Variants in DOCK8 observed in about 807,000 individuals in gnomAD.
The protein encoded by DOCK8 is dedicator of cytokinesis protein 8.
DOCK8 carries 141 observed loss-of-function variants against 245.6 expected under a neutral mutation model. The observed-to-expected ratio is 0.57, with a 90% CI of 0.50 to 0.66. The LOEUF is 0.66. Ranked by LOEUF, DOCK8 falls within the 30% of genes least tolerant of loss-of-function variation. The probability of loss-of-function intolerance (pLI) is 0.00; values close to 1 mark genes in which losing one functional copy is unlikely to be tolerated. For synonymous variants in DOCK8, 1,168 were observed against 970.2 expected, an observed-to-expected ratio of 1.20 and a Z score of -3.79; for missense variants, 2,965 against 2,603.4, an observed-to-expected ratio of 1.14 and a Z score of -3.02.
chr9:317,665 G>C (rs1396122666), intron 7 of DOCK8, among the ~76,000 whole-genome samples: 1 of 152,202 alleles, frequency 6.6e-6, no homozygotes, highest in East Asian at 1.9e-4. Context: ...CTCAGTGCCA[G>C]GGGACAATAG....
chr9:246,911 T>G (rs1482299707), intron 1 of DOCK8, among the ~76,000 whole-genome samples: 1 of 152,126 alleles, frequency 6.6e-6, no homozygotes, highest in African/African-American at 2.4e-5. Context: ...CCACTGTGCC[T>G]GTCTAATTTG....
chr9:376,741 G>C (rs560214538), intron 19 of DOCK8, among the ~76,000 whole-genome samples: 35 of 152,304 alleles, frequency 2.3e-4, no homozygotes, highest in Non-Finnish European at 4.7e-4. Flanking sequence ...TACAGAACAT[G>C]TCAGAGCCAA....
intron 26 of DOCK8, among the ~76,000 whole-genome samples, chr9:399,730 A>G (rs2054652979): frequency 6.6e-6 from 1 of 152,060 alleles, no homozygotes; most frequent in Non-Finnish European, 1.5e-5. Flanking sequence ...TTCACTGAGC[A>G]CATAGCAAAT....
At chr9:215,574 C>A in intron 1 of DOCK8, 1 of 868,008 alleles carries the variant, frequency 1.2e-6, no homozygotes, top group African/African-American at 1.8e-5. Flanking sequence ...TATTTTTATA[C>A]CCTGGTCCAA....
chr9:379,285 G>T (rs2131279183), intron 20 of DOCK8, among the ~76,000 whole-genome samples: 1 of 152,252 alleles, frequency 6.6e-6, no homozygotes, highest in South Asian at 2.1e-4. Context: ...GACATTTTTA[G>T]GTTAATCTGT....
chr9:277,235 A>G (rs2048381491), intron 2 of DOCK8: 1 of 153,660 alleles, frequency 6.5e-6, no homozygotes, highest in Non-Finnish European at 1.5e-5. Context: ...CCTAGGCAAC[A>G]TAGTGAGAAC....
chr9:444,064 G>A (rs1406395759), intron 43 of DOCK8, among the ~76,000 whole-genome samples: 1 of 152,136 alleles, frequency 6.6e-6, no homozygotes, highest in African/African-American at 2.4e-5. Context: ...GTGCTGTTGG[G>A]GGAATGGTAA....
At chr9:407,149 A>C in intron 28 of DOCK8, 80 bp downstream of exon 28, 5 of 1,585,462 alleles carry the variant, frequency 3.2e-6, no homozygotes, top group African/African-American at 1.4e-5. Flanking sequence ...CTAGCTTCTC[A>C]CACTTGGTAA....
intron 34 of DOCK8, among the ~76,000 whole-genome samples, chr9:428,148 T>G (rs932676297): frequency 1.3e-5 from 2 of 152,208 alleles, no homozygotes; most frequent in African/African-American, 4.8e-5. Flanking sequence ...GAATTAGGTA[T>G]AAATCCCAAA....
In DOCK8 at chr9:311,189, G is replaced by A. The variant is rs549955205; in HGVS notation, c.529-765G>A. Among the ~76,000 whole-genome samples the A allele has an allele frequency of 4.9e-4, 74 of 151,938 alleles. 2 individuals carry two copies. In the South Asian group the frequency reaches 8.9e-3, roughly 18 times the overall value. On this transcript the variant is annotated intron_variant, in intron 5 of 47. Coordinates refer to ENST00000432829, the MANE Select transcript of DOCK8 (RefSeq NM_203447.4). ...AGTCCCATCTGCTAGGGAGGCCGAC[G>A]CAGGAGAATTGCTTGAACCTGGGAG...
chr9:334,057 A>G (rs913223547), intron 10 of DOCK8, among the ~76,000 whole-genome samples, 168 bp from the exon 11 acceptor site: 6 of 143,822 alleles, frequency 4.2e-5, no homozygotes, highest in Admixed American at 2.8e-4. Flanking sequence ...ACCCAAGTGC[A>G]TCATTTTTCT....
intron 2 of DOCK8, chr9:273,105 GT>G: frequency 1.0e-6 from 1 of 985,380 alleles, no homozygotes; most frequent in Non-Finnish European, 1.2e-6. Context: ...TCAAAGGTAT[GT>G]TTTACTGGAG....
intron 24 of DOCK8, among the ~76,000 whole-genome samples, chr9:393,831 G>C (rs1325438619): frequency 1.3e-5 from 2 of 152,146 alleles, no homozygotes; most frequent in Admixed American, 1.3e-4. Flanking sequence ...TGCCCAAAAG[G>C]GTTAACTGAA....
rs533915927 is a variant in DOCK8 at position 255,926 on chromosome 9, G to A, written c.54-15701G>A. Reference sequence around the variant, plus strand: ...TTGATTTAAAATACCTGCTTGATCCGTAATTCAGGCCATACGATTTCACCA... The same window carrying A: ...TTGATTTAAAATACCTGCTTGATCCATAATTCAGGCCATACGATTTCACCA... On this transcript the variant is annotated intron_variant, in intron 1 of 47. Coordinates refer to ENST00000432829, the MANE Select transcript of DOCK8 (RefSeq NM_203447.4). 1.6e-4 allele frequency among the ~76,000 whole-genome samples: 25 copies of A among 152,130 alleles called. No individual in the cohort carries two copies. In the South Asian group the frequency reaches 2.1e-3, roughly 13 times the overall value.
At chr9:345,899 C>T (rs919529518) in intron 14 of DOCK8, among the ~76,000 whole-genome samples, 1 of 151,946 alleles carries the variant, frequency 6.6e-6, no homozygotes, top group African/African-American at 2.4e-5. Context: ...AGAAGTATCC[C>T]CGTGGGTCCG....
rs535994036 is a variant in DOCK8 at position 328,087 on chromosome 9, G to A, written c.960G>A (p.Thr320=). ...TCAAAGGATTTCTGCGAGCTCACAC[G>A]CCTTCAGTGGCCGCATCAAGTCAGG... ...DQFKGFLRAH[T]PSVAASSQAR... is the part of the protein sequence containing the mutation. Residue 320 remains threonine, a synonymous_variant, in exon 9 of 48, where the codon ACG becomes ACA. Coordinates refer to ENST00000432829, the MANE Select transcript of DOCK8 (RefSeq NM_203447.4). 1.7e-5 allele frequency: 27 copies of A among 1,614,004 alleles called. No homozygotes were observed. Among genetic ancestry groups the A allele is most frequent in the Middle Eastern group, 1.6e-4 (1 of 6,084 alleles).
intron 13 of DOCK8, 129 bp downstream of exon 13, chr9:339,228 G>A: frequency 1.2e-6 from 1 of 824,560 alleles, no homozygotes; most frequent in Non-Finnish European, 2.0e-6. Flanking sequence ...TGTGTTAGGG[G>A]TTAAGAATCT....
Position 371,579 on chromosome 9 carries a change from C to A in DOCK8, c.2007+13C>A. The A allele has an allele frequency of 6.2e-7, 1 of 1,614,092 alleles. No homozygotes were observed. Among genetic ancestry groups the A allele is most frequent in the Non-Finnish European group, 8.5e-7 (1 of 1,179,994 alleles). On this transcript the variant is annotated intron_variant, in intron 17 of 47. Coordinates refer to ENST00000432829, the MANE Select transcript of DOCK8 (RefSeq NM_203447.4). Reference sequence around the variant, plus strand: ...CCTGGGATATTCAGTGAGTTGTTTCCAGCCTGCTGACTCACACTGCAGTTG... The same window carrying A: ...CCTGGGATATTCAGTGAGTTGTTTCAAGCCTGCTGACTCACACTGCAGTTG...
At chr9:410,336 C>G (rs745801841) in intron 28 of DOCK8, among the ~76,000 whole-genome samples, 1 of 152,128 alleles carries the variant, frequency 6.6e-6, no homozygotes, top group Non-Finnish European at 1.5e-5. Context: ...ATTTCATAGT[C>G]TTTTGCTGAA....
Sources: gnomAD v4.1 joint callset for allele counts (sites outside exome capture counted in the v4.1 genomes callset) on GRCh38, gnomAD v4.1.1 for gene constraint, MANE v1.5 for transcripts, NCBI Gene and HGNC (gene_info 2026-07-23, HGNC 2026-07-21) for gene names.